Variants in TRAK1 observed in about 807,000 individuals in gnomAD.
The protein encoded by TRAK1 is trafficking kinesin-binding protein 1.
In TRAK1, 33 loss-of-function variants were observed where a neutral mutation model predicts 92.1. The observed-to-expected ratio is 0.36, with a 90% CI of 0.27 to 0.48. TRAK1 has a LOEUF of 0.48. Among genes scored for constraint, TRAK1 ranks in the 20% least tolerant of loss-of-function variants. TRAK1 has a pLI of 0.99. For missense variants in TRAK1, 1,123 were observed against 1,257.9 expected (o/e 0.89, Z 1.62); for synonymous variants, 521 against 517.3 (o/e 1.01, Z -0.10).
chr3:42,207,745 C>T (rs1482517021), intron 13 of TRAK1, among the ~76,000 whole-genome samples: 2 of 152,154 alleles, frequency 1.3e-5, no homozygotes, highest in African/African-American at 4.8e-5. Context: ...GAAGCCCCGG[C>T]GTTGTTTGCA....
intron 2 of TRAK1, among the ~76,000 whole-genome samples, chr3:42,135,218 A>G (rs113515509): frequency 3.3e-5 from 5 of 152,296 alleles, no homozygotes; most frequent in African/African-American, 9.6e-5. Flanking sequence ...CCCCTGCTGT[A>G]TAGGGAGTGC....
At chr3:42,177,184 T>C (rs769346276) in intron 3 of TRAK1, among the ~76,000 whole-genome samples, 6 of 152,250 alleles carry the variant, frequency 3.9e-5, no homozygotes, top group Non-Finnish European at 7.3e-5. Context: ...TGACTAATGA[T>C]ATATTTTAAG....
chr3:42,053,525 T>A (rs1490380291), intron 1 of TRAK1, among the ~76,000 whole-genome samples: 1 of 151,880 alleles, frequency 6.6e-6, no homozygotes, highest in East Asian at 1.9e-4. Flanking sequence ...TGGGCTTCTT[T>A]CCTCCTGGAC....
intron 2 of TRAK1, among the ~76,000 whole-genome samples, chr3:42,158,583 T>G (rs1700833527): frequency 1.1e-4 from 1 of 8,696 alleles, no homozygotes; most frequent in South Asian, 2.5e-3. Flanking sequence ...TTTTTTTTTT[T>G]TTTTTTTTTG....
chr3:42,060,994 G>A (rs1703416061), intron 1 of TRAK1, among the ~76,000 whole-genome samples: 1 of 150,580 alleles, frequency 6.6e-6, no homozygotes, highest in Non-Finnish European at 1.5e-5. Context: ...TTCATTTAGG[G>A]CTAAATAAAC....
In TRAK1 at chr3:42,191,713, A is replaced by G. The variant is rs1576911439; in HGVS notation, c.769+77A>G. ...TAGACAGATTTGCGTCAGCCTTGCT[A>G]AAGTGCAGTCTCCTGCCAGCCTACG... is the stretch of plus-strand genomic sequence containing the variant. On this transcript the variant is annotated intron_variant, in intron 7 of 15. Transcript: ENST00000327628. The G allele has an allele frequency of 4.7e-6, 7 of 1,486,112 alleles. No individual in the cohort carries two copies. The East Asian group carries it at 1.0e-4, about 21-fold the overall frequency. The allele number at this position is 1,486,112 out of a possible 1,614,324, so 92.1% of individuals were successfully genotyped here.
chr3:42,077,094 A>G (rs1576253791), intron 1 of TRAK1, among the ~76,000 whole-genome samples: 2 of 152,318 alleles, frequency 1.3e-5, no homozygotes, highest in South Asian at 4.1e-4. Flanking sequence ...CTTTTTGCTT[A>G]TAATTGCTTT....
chr3:42,196,331 G>T (rs895255491), intron 10 of TRAK1, among the ~76,000 whole-genome samples: 1 of 152,166 alleles, frequency 6.6e-6, no homozygotes, highest in African/African-American at 2.4e-5. Flanking sequence ...GCACAACTAT[G>T]TTCCCAATTC....
intron 1 of TRAK1, among the ~76,000 whole-genome samples, chr3:42,119,856 C>T (rs967247391): frequency 6.6e-6 from 1 of 152,172 alleles, no homozygotes; most frequent in African/African-American, 2.4e-5. Flanking sequence ...CTGGGAAACA[C>T]TCAGTAGCCT....
At chr3:42,162,398 A>G (rs1378138624) in intron 2 of TRAK1, among the ~76,000 whole-genome samples, 2 of 152,108 alleles carry the variant, frequency 1.3e-5, no homozygotes, top group African/African-American at 4.8e-5. Flanking sequence ...TAGAACTTAG[A>G]GAAATCACAG....
In TRAK1 at chr3:42,051,571, C is replaced by T. The variant is rs902453321; in HGVS notation, c.-518-35533C>T. On this transcript the variant is annotated intron_variant, in intron 1 of 16. Coordinates refer to the TRAK1 transcript ENST00000487159. The stretch of plus-strand genomic sequence containing the variant: ...TTAGCAGGGACTTCCCCTTTATCTG[C>T]AGCTTTCTCTAAATCCTGGGCCAAC... 3.3e-5 allele frequency: 5 copies of T among 152,392 alleles called. No individual in the cohort carries two copies. In the East Asian group the frequency reaches 9.6e-4, roughly 29 times the overall value. 9.4% of individuals were successfully genotyped at this position (152,392 alleles called of 1,614,324 possible). A position where few individuals can be genotyped will look rare whatever the true frequency, so the allele number is the denominator to read the frequency against.
intron 1 of TRAK1, among the ~76,000 whole-genome samples, chr3:42,016,326 T>G (rs1255708258): frequency 6.6e-6 from 1 of 152,234 alleles, no homozygotes; most frequent in African/African-American, 2.4e-5. Context: ...GGCCTCAGCC[T>G]CCCGAGTAGC....
chr3:42,085,478 A>C (rs1359214552), upstream of TRAK1, among the ~76,000 whole-genome samples: 1 of 152,166 alleles, frequency 6.6e-6, no homozygotes, highest in Non-Finnish European at 1.5e-5. Flanking sequence ...CAAAAATCCA[A>C]AATTTGAAAC....
chr3:42,043,500 C>A (rs1702630896), intron 1 of TRAK1, among the ~76,000 whole-genome samples: 1 of 152,108 alleles, frequency 6.6e-6, no homozygotes, highest in African/African-American at 2.4e-5. Flanking sequence ...TCCCCTCCAC[C>A]CCTACCCCCA....
intron 14 of TRAK1, chr3:42,218,167 C>T (rs2149537263): frequency 2.0e-6 from 2 of 985,382 alleles, no homozygotes; most frequent in Non-Finnish European, 2.4e-6. Flanking sequence ...TACCTTTAAT[C>T]TGTGTCTCCA....
intron 1 of TRAK1, among the ~76,000 whole-genome samples, chr3:42,026,016 G>A (rs986492813): frequency 2.0e-5 from 3 of 151,282 alleles, no homozygotes; most frequent in African/African-American, 4.9e-5. Context: ...TCTGCTGTTT[G>A]TTCTTTCTTC....
intron 1 of TRAK1, among the ~76,000 whole-genome samples, chr3:42,025,989 G>C (rs575200079): frequency 9.2e-5 from 14 of 151,840 alleles, no homozygotes; most frequent in Non-Finnish European, 1.8e-4. Context: ...CTCTGTCTCT[G>C]TTTCTTTGTT....
rs1290424874 is a variant in TRAK1, at chr3:42,073,011, G to A, written c.-518-14093G>A. On this transcript the variant is annotated intron_variant, in intron 1 of 16. Coordinates refer to the TRAK1 transcript ENST00000487159. ...TGTGCATATGTGTGTTTGTGTGTTC[G>A]TGGGCCTGAGTGTATATGAAATGAG... Among the ~76,000 whole-genome samples, 3 of 152,160 alleles carry A rather than the reference G, an allele frequency of 2.0e-5. No homozygotes were observed. In the East Asian group the frequency reaches 5.8e-4, roughly 29 times the overall value.
At chr3:42,026,239 C>T (rs957231710) in intron 1 of TRAK1, among the ~76,000 whole-genome samples, 9 of 152,130 alleles carry the variant, frequency 5.9e-5, no homozygotes, top group African/African-American at 1.9e-4. Flanking sequence ...TGAGCCTTAG[C>T]ATTTCATAGA....
Sources: allele counts gnomAD v4.1 joint callset (sites outside exome capture counted in the v4.1 genomes callset), GRCh38; gene constraint gnomAD v4.1.1; transcripts MANE v1.5; gene names NCBI Gene and HGNC (gene_info 2026-07-23, HGNC 2026-07-21).